Variants in GUCY1A2 observed in about 807,000 individuals in gnomAD.
The protein encoded by GUCY1A2 is guanylate cyclase 1 soluble subunit alpha 2.
A neutral mutation model predicts 63.5 loss-of-function variants in GUCY1A2; 27 were observed. The observed-to-expected ratio is 0.43, with a 90% confidence interval of 0.31 to 0.59. The LOEUF (loss-of-function observed/expected upper bound fraction) is 0.59. GUCY1A2 is among the 20% of genes least tolerant of loss of function. GUCY1A2 has a pLI of 0.11. For missense variants in GUCY1A2, 768 were observed against 913.3 expected, an observed-to-expected ratio of 0.84 and a Z score of 2.05; for synonymous variants, 364 against 343.5, an observed-to-expected ratio of 1.06 and a Z score of -0.66.
intron 6 of GUCY1A2, chr11:106,746,620 GA>G: frequency 6.3e-7 from 1 of 1,595,498 alleles, no homozygotes; most frequent in Non-Finnish European, 8.5e-7. Flanking sequence ...CAGGAAAGGA[GA>G]AAAGGAGTTC....
chr11:106,908,349 A>G (rs563099932), intron 4 of GUCY1A2, among the ~76,000 whole-genome samples: 1 of 151,964 alleles, frequency 6.6e-6, no homozygotes, highest in African/African-American at 2.4e-5. Context: ...CAACAAACAT[A>G]TGAAATTTAT....
chr11:106,936,642 T>C (rs1329443939), intron 4 of GUCY1A2: 5 of 1,507,048 alleles, frequency 3.3e-6, no homozygotes, highest in East Asian at 2.5e-5. Context: ...GAAGAGTTTT[T>C]TTCTAACCTC....
At chr11:106,841,602 C>T (rs914070295) in intron 4 of GUCY1A2, among the ~76,000 whole-genome samples, 1 of 151,758 alleles carries the variant, frequency 6.6e-6, no homozygotes, top group South Asian at 2.1e-4. Flanking sequence ...AGGGAGGGAC[C>T]ATGTTTTATA....
At chr11:106,875,617 A>C (rs1591310579) in intron 4 of GUCY1A2, among the ~76,000 whole-genome samples, 1 of 151,850 alleles carries the variant, frequency 6.6e-6, no homozygotes. Context: ...CAGCTTATCC[A>C]CCTCAGTAGA....
chr11:106,938,667 A>C (rs1278542969), intron 4 of GUCY1A2, among the ~76,000 whole-genome samples: 1 of 152,212 alleles, frequency 6.6e-6, no homozygotes, highest in African/African-American at 2.4e-5. Context: ...ATAAAAAATC[A>C]TGGTTTATTT....
intron 4 of GUCY1A2, among the ~76,000 whole-genome samples, chr11:106,913,780 C>T (rs576307836): frequency 6.6e-6 from 1 of 152,122 alleles, no homozygotes; most frequent in African/African-American, 2.4e-5. Context: ...ATACTCAAGA[C>T]TATCCCACTA....
At chr11:106,879,976 G>A (rs575821175) in intron 4 of GUCY1A2, among the ~76,000 whole-genome samples, 19 of 151,900 alleles carry the variant, frequency 1.3e-4, no homozygotes, top group Non-Finnish European at 2.1e-4. Flanking sequence ...CAGCAATGAC[G>A]ACTTAACCAT....
chr11:106,822,101 A>C (rs1377281781), intron 4 of GUCY1A2, among the ~76,000 whole-genome samples: 1 of 152,176 alleles, frequency 6.6e-6, no homozygotes, highest in Non-Finnish European at 1.5e-5. Flanking sequence ...GAATTAAGAA[A>C]ATTTGAGTAC....
At chr11:106,930,613 T>A (rs1860587741) in intron 4 of GUCY1A2, among the ~76,000 whole-genome samples, 2 of 152,224 alleles carry the variant, frequency 1.3e-5, no homozygotes, top group South Asian at 4.1e-4. Flanking sequence ...GTAGCTTAAG[T>A]CATGATTCAA....
At chr11:106,908,411 C>A (rs1312038864) in intron 4 of GUCY1A2, among the ~76,000 whole-genome samples, 1 of 151,498 alleles carries the variant, frequency 6.6e-6, no homozygotes, top group Non-Finnish European at 1.5e-5. Flanking sequence ...TATATAGGCA[C>A]AATAATATTT....
chr11:106,683,834 T>C lies in GUCY1A2; in HGVS notation c.*3715A>G. On this transcript the variant is annotated 3_prime_UTR_variant, in exon 8 of 8. Coordinates refer to ENST00000526355, the MANE Select transcript of GUCY1A2 (RefSeq NM_000855.3). The stretch of plus-strand genomic sequence containing the variant: ...AATATATTTAATTATGGTCATAATT[T>C]TGAGCTCCTACCTGATGCCTTACGA... The C allele has an allele frequency of 4.8e-6, 1 of 210,340 alleles. No homozygotes were observed. The highest frequency in any genetic ancestry group is 9.7e-6 in the Non-Finnish European group (1 of 103,500). 13.0% of individuals were successfully genotyped at this position (210,340 alleles called of 1,614,324 possible).
chr11:106,722,303 A>G (rs568858544), intron 6 of GUCY1A2, among the ~76,000 whole-genome samples: 3 of 151,988 alleles, frequency 2.0e-5, no homozygotes, highest in Admixed American at 1.3e-4. Flanking sequence ...GATTATTCCA[A>G]TAACTGATAA....
intron 4 of GUCY1A2, among the ~76,000 whole-genome samples, chr11:106,814,762 T>A (rs1858808812): frequency 6.6e-6 from 1 of 151,968 alleles, no homozygotes; most frequent in Non-Finnish European, 1.5e-5. Context: ...CCCACAAAAG[T>A]AGGCCAGGAC....
rs565642675 is a variant in GUCY1A2, at chr11:106,851,204, G to GT, written c.1207-40727dup. The stretch of plus-strand genomic sequence containing the variant: ...AATGGGTTTTTTTTTGTTTTGTTTT[G>GT]TTTTTTGCTGTTGATTTGTCTGAGT... On this transcript the variant is annotated intron_variant, in intron 4 of 7. Transcript: ENST00000526355. Among the ~76,000 whole-genome samples, 398 of 150,722 alleles carry GT rather than the reference G, an allele frequency of 2.6e-3. 2 individuals are homozygous for GT. Among genetic ancestry groups the GT allele is most frequent in the South Asian group, 8.1e-3 (39 of 4,794 alleles).
At chr11:106,953,545 A>T (rs1182540439) in intron 3 of GUCY1A2, among the ~76,000 whole-genome samples, 2 of 152,192 alleles carry the variant, frequency 1.3e-5, no homozygotes, top group African/African-American at 4.8e-5. Context: ...AAAATGAGTT[A>T]GGGAAGACTC....
intron 6 of GUCY1A2, among the ~76,000 whole-genome samples, chr11:106,709,467 AATATATAT>A (rs1365499340): frequency 1.1e-5 from 1 of 87,712 alleles, no homozygotes; most frequent in Non-Finnish European, 2.0e-5. Context: ...TTTATAGAAT[AATATATAT>A]TATTATATAT....
At chr11:106,798,576 G>A (rs920688111) in intron 5 of GUCY1A2, among the ~76,000 whole-genome samples, 2 of 151,636 alleles carry the variant, frequency 1.3e-5, no homozygotes, top group African/African-American at 4.8e-5. Flanking sequence ...ATGATCAAGT[G>A]GGCTTCATCC....
chr11:106,962,792 A>AAT (rs1238670144), intron 3 of GUCY1A2, among the ~76,000 whole-genome samples: 1 of 148,664 alleles, frequency 6.7e-6, no homozygotes, highest in Non-Finnish European at 1.5e-5. Flanking sequence ...ATATATATAA[A>AAT]ATATATATAC....
At chr11:106,914,675 G>A (rs1249345118) in intron 4 of GUCY1A2, among the ~76,000 whole-genome samples, 4 of 151,424 alleles carry the variant, frequency 2.6e-5, no homozygotes, top group Admixed American at 6.6e-5. Context: ...AATCTGAGAA[G>A]AGAAATAATT....
Sources: gnomAD v4.1 joint callset for allele counts (sites outside exome capture counted in the v4.1 genomes callset) on GRCh38, gnomAD v4.1.1 for gene constraint, MANE v1.5 for transcripts, NCBI Gene and HGNC (gene_info 2026-07-23, HGNC 2026-07-21) for gene names.